The following LARGE1 variants were observed in gnomAD, a reference collection of about 807,000 sequenced individuals.
LARGE1 encodes LARGE xylosyl- and glucuronyltransferase 1.
A neutral mutation model predicts 87.6 loss-of-function variants in LARGE1; 43 were observed. The ratio of observed to expected loss-of-function variants is 0.49; its 90% confidence interval spans 0.38 to 0.63. The LOEUF is 0.63. Ranked by LOEUF, LARGE1 falls within the 30% of genes least tolerant of loss-of-function variation. The pLI, the probability that LARGE1 is intolerant of heterozygous loss-of-function variation, is 0.00. For synonymous variants in LARGE1, 434 were observed against 394.6 expected (o/e 1.10, Z -1.18); for missense variants, 802 against 1,000.2 (o/e 0.80, Z 2.67).
chr22:33,496,993 G>A (rs2070159466), intron 6 of LARGE1, among the ~76,000 whole-genome samples: 1 of 151,780 alleles, frequency 6.6e-6, no homozygotes, highest in Non-Finnish European at 1.5e-5. Context: ...TCTGATACTT[G>A]GAAAGGCAGT....
rs1318530961 is a variant in LARGE1 at position 33,809,616 on chromosome 22, A to G, written c.-82-48058T>C. On this transcript the variant is annotated intron_variant, in intron 1 of 14. Transcript: ENST00000397394. ...TATATAATGCTAGTTAGCCACATGTATAGTTTTTCATTTTCTAGCAGCCAC... is the reference window on the plus strand; with the variant it reads ...TATATAATGCTAGTTAGCCACATGTGTAGTTTTTCATTTTCTAGCAGCCAC... Among the ~76,000 whole-genome samples the G allele has an allele frequency of 3.3e-5, 5 of 152,356 alleles. No homozygotes were observed. The East Asian group carries it at 7.7e-4, about 23-fold the overall frequency.
At position 33,797,402 on chromosome 22, in the gene LARGE1, C is replaced by A. The variant is rs2086020363; in HGVS notation, c.-82-35844G>T. ...AGAAGTCTGGGTCTGGGGAGGTATC[C>A]CACCATCCCAAATTTTACAGATGGT... On this transcript the variant is annotated intron_variant, in intron 1 of 14. Transcript: ENST00000397394. 1.3e-5 allele frequency among the ~76,000 whole-genome samples: 2 copies of A among 152,240 alleles called. 1 individual carries two copies. Among genetic ancestry groups the A allele is most frequent in the South Asian group, 4.1e-4 (2 of 4,820 alleles).
chr22:33,339,291 TG>T (rs1938876538), intron 9 of LARGE1, among the ~76,000 whole-genome samples: 1 of 147,662 alleles, frequency 6.8e-6, no homozygotes, highest in Non-Finnish European at 1.5e-5. Flanking sequence ...TGTGTTGGGG[TG>T]GGGTGGCTCA....
At chr22:33,770,408 G>T (rs146102031) in intron 1 of LARGE1, among the ~76,000 whole-genome samples, 62 of 152,348 alleles carry the variant, frequency 4.1e-4, no homozygotes, top group African/African-American at 1.5e-3. Context: ...CATGCCAGGT[G>T]CAGTGGCTCA....
intron 12 of LARGE1, among the ~76,000 whole-genome samples, chr22:33,287,934 C>T (rs528646757): frequency 6.6e-6 from 1 of 152,332 alleles, no homozygotes; most frequent in Admixed American, 6.5e-5. Context: ...ACTAGGCTGT[C>T]TTCTTGGGCA....
intron 14 of LARGE1, among the ~76,000 whole-genome samples, chr22:33,275,625 G>A (rs1929102394): frequency 6.6e-6 from 1 of 152,124 alleles, no homozygotes. Context: ...CATGGGTGTG[G>A]GTGTTAATAC....
intron 7 of LARGE1, among the ~76,000 whole-genome samples, chr22:33,401,352 T>C (rs921879488): frequency 2.6e-5 from 4 of 152,162 alleles, no homozygotes; most frequent in African/African-American, 9.7e-5. Flanking sequence ...TCCAATCAAC[T>C]GGTCAGAAAT....
chr22:33,897,504 C>G (rs375953405), intron 1 of LARGE1, among the ~76,000 whole-genome samples: 61 of 152,272 alleles, frequency 4.0e-4, no homozygotes, highest in African/African-American at 1.4e-3. Flanking sequence ...AGGCAGAAGT[C>G]AGGACAGGGC....
chr22:33,583,931 A>G (rs1193759923), intron 5 of LARGE1, among the ~76,000 whole-genome samples: 1 of 152,224 alleles, frequency 6.6e-6, no homozygotes, highest in Non-Finnish European at 1.5e-5. Context: ...TACTGACTAT[A>G]CTGATACTGA....
At chr22:33,723,727 T>G (rs2083179155) in intron 2 of LARGE1, 1 of 151,686 alleles carries the variant, frequency 6.6e-6, no homozygotes, top group Non-Finnish European at 1.5e-5. Context: ...GCCCCCCTTT[T>G]TTCCCCCTCT....
At chr22:33,089,583 G>T in the LARGE1 span, among the ~76,000 whole-genome samples, 1 of 151,362 alleles carries the variant, frequency 6.6e-6, no homozygotes, top group Non-Finnish European at 1.5e-5. Context: ...CTGCAACCTT[G>T]AACTCCTGGG....
At chr22:33,432,912 G>A (rs369644127) in intron 6 of LARGE1, among the ~76,000 whole-genome samples, 2 of 152,180 alleles carry the variant, frequency 1.3e-5, no homozygotes, top group African/African-American at 4.8e-5. Context: ...ATACAAGAGT[G>A]TTGTCTAGAT....
intron 2 of LARGE1, chr22:33,732,169 G>C (rs1353824472): frequency 6.6e-6 from 1 of 152,204 alleles, no homozygotes; most frequent in Non-Finnish European, 1.5e-5. Flanking sequence ...GTCCCAGAAA[G>C]GACATCAGAA....
chr22:33,392,879 A>C (rs2065584103), intron 7 of LARGE1, among the ~76,000 whole-genome samples: 2 of 152,214 alleles, frequency 1.3e-5, no homozygotes, highest in Non-Finnish European at 2.9e-5. Flanking sequence ...TGTGAAATGT[A>C]CTGGACAACT....
intron 1 of LARGE1, among the ~76,000 whole-genome samples, chr22:33,853,454 G>A (rs1046798518): frequency 1.3e-5 from 2 of 152,204 alleles, no homozygotes; most frequent in Non-Finnish European, 2.9e-5. Context: ...GGGAAGAGGA[G>A]GAGGCTGTGA....
chr22:33,800,087 A>C (rs1262225115), intron 1 of LARGE1, among the ~76,000 whole-genome samples: 1 of 152,186 alleles, frequency 6.6e-6, no homozygotes, highest in Non-Finnish European at 1.5e-5. Context: ...CCCCTGACTC[A>C]TTCCGTTCCA....
intron 2 of LARGE1, among the ~76,000 whole-genome samples, chr22:33,756,952 G>A (rs144615964): frequency 1.4e-4 from 22 of 152,308 alleles, no homozygotes; most frequent in Non-Finnish European, 2.6e-4. Context: ...CCCAAGTTTA[G>A]GGCCTGAACG....
At chr22:33,698,110 T>C (rs1474069297) in intron 2 of LARGE1, among the ~76,000 whole-genome samples, 2 of 152,230 alleles carry the variant, frequency 1.3e-5, no homozygotes, top group African/African-American at 2.4e-5. Context: ...ACTCACTCTG[T>C]CACCCAGGCT....
At chr22:33,864,215 G>C (rs1343892153) in intron 1 of LARGE1, among the ~76,000 whole-genome samples, 1 of 152,162 alleles carries the variant, frequency 6.6e-6, no homozygotes, top group Non-Finnish European at 1.5e-5. Context: ...GGTTTAAGGG[G>C]CTCTCATTTA....
Sources: gnomAD v4.1 joint callset for allele counts (sites outside exome capture counted in the v4.1 genomes callset) on GRCh38, gnomAD v4.1.1 for gene constraint, MANE v1.5 for transcripts, NCBI Gene and HGNC (gene_info 2026-07-23, HGNC 2026-07-21) for gene names.